MGMT: variants seen among roughly 807,000 people sequenced by gnomAD.
MGMT encodes the protein methylated-DNA--protein-cysteine methyltransferase.
A neutral mutation model predicts 15.9 loss-of-function variants in MGMT; 14 were observed. The ratio of observed to expected loss-of-function variants is 0.88; its 90% CI spans 0.58 to 1.37. The LOEUF (loss-of-function observed/expected upper bound fraction) is 1.37. Ranked by LOEUF, MGMT falls within the 40% of genes most tolerant of loss-of-function variation. MGMT has a pLI of 0.00. For synonymous variants in MGMT, 130 were observed against 118.2 expected (o/e 1.10, Z -0.65); for missense variants, 282 against 268.1 (o/e 1.05, Z -0.36).
Position 129,667,636 on chromosome 10 carries a change from C to G in MGMT, c.126-40259C>G, listed in dbSNP as rs180979172. 1.9e-3 allele frequency among the ~76,000 whole-genome samples: 294 copies of G among 152,280 alleles called. 1 individual carries two copies. The highest frequency in any genetic ancestry group is 6.2e-3 in the African/African-American group (259 of 41,554). ...AGGCACGCATTTCTGCTGGGTATGT[C>G]CTAGTTCCAGACTCACTGGTTATAC... On this transcript the variant is annotated intron_variant, in intron 2 of 4. Coordinates refer to ENST00000651593, the MANE Select transcript of MGMT (RefSeq NM_002412.5).
intron 2 of MGMT, among the ~76,000 whole-genome samples, chr10:129,644,045 A>G (rs1256850282): frequency 6.6e-6 from 1 of 152,138 alleles, no homozygotes; most frequent in Non-Finnish European, 1.5e-5. Context: ...CAGCCTCTCT[A>G]CAGAGAGACC....
At chr10:129,596,179 C>T (rs1288557908) in intron 2 of MGMT, among the ~76,000 whole-genome samples, 2 of 151,148 alleles carry the variant, frequency 1.3e-5, no homozygotes, top group South Asian at 2.1e-4. Context: ...ATGGTATTTT[C>T]TGCATTGGGC....
At chr10:129,674,063 T>G (rs1206268184) in intron 2 of MGMT, among the ~76,000 whole-genome samples, 3 of 152,192 alleles carry the variant, frequency 2.0e-5, no homozygotes, top group Admixed American at 2.0e-4. Context: ...CTGATTTAGC[T>G]CTCTTTGATT....
At chr10:129,619,727 T>G (rs1455876495) in intron 2 of MGMT, among the ~76,000 whole-genome samples, 1 of 152,192 alleles carries the variant, frequency 6.6e-6, no homozygotes, top group Non-Finnish European at 1.5e-5. Context: ...TTTATCTAAG[T>G]GGTTGAGTTT....
chr10:129,526,582 A>G (rs1845873103), intron 1 of MGMT, among the ~76,000 whole-genome samples: 1 of 151,808 alleles, frequency 6.6e-6, no homozygotes, highest in African/African-American at 2.4e-5. Flanking sequence ...CTGGTCTGCA[A>G]CTCCAGGACT....
rs1468695721 is a variant in MGMT, at chr10:129,557,568, C to T, written c.125+21191C>T. ...ACACTAATGAATTTTGTAAATATTA[C>T]ATAACTCGGTAATTATTGTTTCAAA... is the stretch of plus-strand genomic sequence containing the variant. On this transcript the variant is annotated intron_variant, in intron 2 of 4. Transcript: ENST00000651593. Among the ~76,000 whole-genome samples, 4 of 152,108 alleles carry T rather than the reference C, an allele frequency of 2.6e-5. No individual in the cohort carries two copies. In the East Asian group the frequency reaches 7.7e-4, roughly 29 times the overall value.
intron 2 of MGMT, among the ~76,000 whole-genome samples, chr10:129,657,713 A>G (rs1003534510): frequency 6.1e-5 from 9 of 148,126 alleles, no homozygotes; most frequent in Non-Finnish European, 1.2e-4. Flanking sequence ...ACACGCACAC[A>G]CACACACACA....
At chr10:129,516,845 C>G (rs974272985) in intron 1 of MGMT, among the ~76,000 whole-genome samples, 1 of 152,154 alleles carries the variant, frequency 6.6e-6, no homozygotes, top group Non-Finnish European at 1.5e-5. Flanking sequence ...GCTTATGGGT[C>G]GCTAATGTTA....
chr10:129,620,414 C>G (rs971811178), intron 2 of MGMT, among the ~76,000 whole-genome samples: 5 of 152,120 alleles, frequency 3.3e-5, no homozygotes, highest in Admixed American at 3.3e-4. Flanking sequence ...TTCAATCAGT[C>G]GAGAAAGGAG....
At chr10:129,529,853 G>A (rs1845911210) in intron 1 of MGMT, among the ~76,000 whole-genome samples, 2 of 151,848 alleles carry the variant, frequency 1.3e-5, no homozygotes, top group South Asian at 4.2e-4. Context: ...TTCATAATTT[G>A]GGGTACTCTT....
At chr10:129,750,432 C>T (rs1047517658) in intron 3 of MGMT, among the ~76,000 whole-genome samples, 6 of 151,920 alleles carry the variant, frequency 3.9e-5, no homozygotes, top group Admixed American at 2.0e-4. Flanking sequence ...CTAAATTTGG[C>T]CCTTGTATTT....
rs953598797 is a variant in MGMT at position 129,681,199 on chromosome 10, C to G, written c.126-26696C>G. Among the ~76,000 whole-genome samples the G allele has an allele frequency of 7.2e-5, 11 of 152,350 alleles. No homozygotes were observed. The South Asian group carries it at 1.2e-3, about 17-fold the overall frequency. ...GGGTGCGCTGTGGACTGGGACACTT[C>G]CATGTCACTCCACACGTGTGCCCCG... On this transcript the variant is annotated intron_variant, in intron 2 of 4. Coordinates refer to ENST00000651593, the MANE Select transcript of MGMT (RefSeq NM_002412.5).
intron 1 of MGMT, among the ~76,000 whole-genome samples, chr10:129,500,859 A>C (rs150740933): frequency 1.3e-5 from 2 of 152,294 alleles, no homozygotes; most frequent in African/African-American, 4.8e-5. Context: ...CCCAAATGTT[A>C]AGTGTATGAC....
At chr10:129,565,937 A>G (rs1256217075) in intron 2 of MGMT, among the ~76,000 whole-genome samples, 2 of 152,076 alleles carry the variant, frequency 1.3e-5, no homozygotes, top group Admixed American at 6.6e-5. Context: ...GACCACTGCC[A>G]GGGAAGACAC....
At chr10:129,608,545 G>T (rs1347544759) in intron 2 of MGMT, among the ~76,000 whole-genome samples, 1 of 152,208 alleles carries the variant, frequency 6.6e-6, no homozygotes, top group African/African-American at 2.4e-5. Context: ...GTGTATTGAG[G>T]CATGGCTTTT....
At chr10:129,537,499 GAA>G (rs1845998975) in intron 2 of MGMT, among the ~76,000 whole-genome samples, 1 of 151,956 alleles carries the variant, frequency 6.6e-6, no homozygotes, top group Non-Finnish European at 1.5e-5. Flanking sequence ...ATTTGTAGGG[GAA>G]AATGTCATTT....
At chr10:129,643,680 T>G (rs1847354018) in intron 2 of MGMT, among the ~76,000 whole-genome samples, 1 of 152,212 alleles carries the variant, frequency 6.6e-6, no homozygotes, top group East Asian at 1.9e-4. Flanking sequence ...AACAACGATT[T>G]CTTCAATGTT....
chr10:129,753,035 C>T (rs908270046), intron 3 of MGMT, among the ~76,000 whole-genome samples: 1 of 152,066 alleles, frequency 6.6e-6, no homozygotes, highest in African/African-American at 2.4e-5. Flanking sequence ...TTAGATTTTC[C>T]TTTTTATCAG....
chr10:129,471,671 AG>A (rs1396298392), intron 1 of MGMT, among the ~76,000 whole-genome samples: 1 of 152,050 alleles, frequency 6.6e-6, no homozygotes, highest in African/African-American at 2.4e-5. Context: ...CTGGCTAGAG[AG>A]GTCTCTCGAT....
Sources: gnomAD v4.1 joint callset for allele counts (sites outside exome capture counted in the v4.1 genomes callset) on GRCh38, gnomAD v4.1.1 for gene constraint, MANE v1.5 for transcripts, NCBI Gene and HGNC (gene_info 2026-07-23, HGNC 2026-07-21) for gene names.